PTPRN2: variants seen among roughly 807,000 people sequenced by gnomAD.
The protein encoded by PTPRN2 is protein tyrosine phosphatase receptor type N2.
A neutral mutation model predicts 118.8 loss-of-function variants in PTPRN2; 74 were observed. That is an observed-to-expected ratio of 0.62 (90% confidence interval 0.52 to 0.76). The LOEUF is 0.76. PTPRN2 is among the 30% of genes least tolerant of loss of function. PTPRN2 has a pLI of 0.00. For missense variants in PTPRN2, 1,481 were observed against 1,394.4 expected, an observed-to-expected ratio of 1.06 and a Z score of -0.99; for synonymous variants, 641 against 608.0, an observed-to-expected ratio of 1.05 and a Z score of -0.80.
At chr7:157,840,924 G>A (rs759091230) in intron 12 of PTPRN2, among the ~76,000 whole-genome samples, 3 of 152,224 alleles carry the variant, frequency 2.0e-5, no homozygotes, top group Non-Finnish European at 2.9e-5. Context: ...AAGCACCGGC[G>A]GGGGCTGGAG....
rs932644989 is a variant in PTPRN2 at position 157,560,427 on chromosome 7, A to G, written c.2902+8475T>C. Among the ~76,000 whole-genome samples the G allele has an allele frequency of 6.6e-6, 1 of 152,148 alleles. No individual in the cohort carries two copies. The highest frequency in any genetic ancestry group is 1.5e-5 in the Non-Finnish European group (1 of 67,996). ...ACGCTCCCACCAGGCGATCGACACC[A>G]GGGTCCGCCTGTGCCCTGCCTGGGT... On this transcript the variant is annotated intron_variant, in intron 21 of 22. Coordinates refer to ENST00000389418, the MANE Select transcript of PTPRN2 (RefSeq NM_002847.5). The surrounding 1 kb of genome is among the most constrained non-coding windows in gnomAD (Gnocchi z 6.7).
intron 2 of PTPRN2, among the ~76,000 whole-genome samples, chr7:158,406,681 G>C (rs1451396302): frequency 1.3e-5 from 2 of 152,232 alleles, no homozygotes; most frequent in African/African-American, 4.8e-5. Flanking sequence ...GACCTGCCCT[G>C]TTCACACACC....
At chr7:157,718,418 T>A (rs1227058607) in intron 12 of PTPRN2, among the ~76,000 whole-genome samples, 2 of 152,210 alleles carry the variant, frequency 1.3e-5, no homozygotes, top group African/African-American at 4.8e-5. Context: ...AGGCACAGTC[T>A]GATTCTACGG....
At chr7:157,765,696 C>T (rs892926648) in intron 12 of PTPRN2, among the ~76,000 whole-genome samples, 4 of 150,372 alleles carry the variant, frequency 2.7e-5, no homozygotes, top group Non-Finnish European at 3.0e-5. Context: ...ACATACCCAT[C>T]CACCCATCCA....
chr7:158,119,509 C>T lies in PTPRN2; in HGVS notation c.1557-8594G>A, dbSNP rs112905192. Reference sequence around the variant, plus strand: ...ATGAAAAATAGAATTGCACTTTGATCGAGTAACTCCACTCCTTGGTATCTA... The same window carrying T: ...ATGAAAAATAGAATTGCACTTTGATTGAGTAACTCCACTCCTTGGTATCTA... On this transcript the variant is annotated intron_variant, in intron 9 of 22. Coordinates refer to ENST00000389418, the MANE Select transcript of PTPRN2 (RefSeq NM_002847.5). 4.5e-3 allele frequency among the ~76,000 whole-genome samples: 685 copies of T among 152,054 alleles called. 9 individuals carry two copies. Among genetic ancestry groups the T allele is most frequent in the African/African-American group, 0.016 (651 of 41,480 alleles).
At chr7:158,482,349 A>C (rs545825946) in intron 2 of PTPRN2, among the ~76,000 whole-genome samples, 60 of 152,360 alleles carry the variant, frequency 3.9e-4, no homozygotes, top group Admixed American at 1.7e-3. Flanking sequence ...ATGAAGGAAG[A>C]GTCAACTGAT....
chr7:158,140,305 A>G (rs1287395760), intron 6 of PTPRN2, among the ~76,000 whole-genome samples: 1 of 152,228 alleles, frequency 6.6e-6, no homozygotes, highest in Non-Finnish European at 1.5e-5. Context: ...CAGAGAAAGG[A>G]AAGTCTTTTC....
chr7:158,292,142 G>T (rs1800164221), intron 3 of PTPRN2, among the ~76,000 whole-genome samples: 1 of 152,148 alleles, frequency 6.6e-6, no homozygotes, highest in Non-Finnish European at 1.5e-5. Flanking sequence ...GAAATGCCAG[G>T]GTTTTCTGTG....
chr7:157,642,449 CTA>C, intron 14 of PTPRN2, among the ~76,000 whole-genome samples: 1 of 152,356 alleles, frequency 6.6e-6, no homozygotes, highest in East Asian at 1.9e-4. Context: ...CTGATGCTGT[CTA>C]TAAACCTGCA....
chr7:158,304,574 C>G (rs775394766), intron 3 of PTPRN2, among the ~76,000 whole-genome samples: 1 of 152,002 alleles, frequency 6.6e-6, no homozygotes, highest in Non-Finnish European at 1.5e-5. Context: ...GCATAAGACA[C>G]CCATCAATAC....
chr7:158,319,973 TCACACA>T (rs757005033), intron 2 of PTPRN2, among the ~76,000 whole-genome samples: 1 of 27,430 alleles, frequency 3.6e-5, no homozygotes, highest in Non-Finnish European at 8.1e-5. Flanking sequence ...ACAGCCTCCC[TCACACA>T]CACACAGCCT....
intron 6 of PTPRN2, among the ~76,000 whole-genome samples, chr7:158,150,621 T>G (rs1010357063): frequency 6.6e-6 from 1 of 152,148 alleles, no homozygotes; most frequent in East Asian, 1.9e-4. Context: ...AAGATCTCGG[T>G]GTCATCTCCT....
At chr7:157,922,678 G>T (rs1157900131) in intron 11 of PTPRN2, among the ~76,000 whole-genome samples, 1 of 152,136 alleles carries the variant, frequency 6.6e-6, no homozygotes, top group African/African-American at 2.4e-5. Flanking sequence ...AGTAAGGTTG[G>T]TTCTTTTCCT....
At chr7:157,796,343 TG>T (rs1804867437) in intron 12 of PTPRN2, among the ~76,000 whole-genome samples, 1 of 152,222 alleles carries the variant, frequency 6.6e-6, no homozygotes, top group African/African-American at 2.4e-5. Context: ...TTTACCGGGA[TG>T]GTGACATCCC....
chr7:158,107,943 G>A (rs1487608968), intron 10 of PTPRN2, among the ~76,000 whole-genome samples: 1 of 146,390 alleles, frequency 6.8e-6, no homozygotes, highest in Non-Finnish European at 1.5e-5. Flanking sequence ...AAAGTCCCCT[G>A]CCCACTGCAA....
intron 2 of PTPRN2, among the ~76,000 whole-genome samples, chr7:158,340,629 C>G (rs1806540439): frequency 9.1e-6 from 1 of 109,822 alleles, no homozygotes; most frequent in Non-Finnish European, 2.0e-5. Context: ...CTCACACTCA[C>G]ACTCTAGCCA....
chr7:158,227,977 C>A (rs1341419426), intron 3 of PTPRN2, among the ~76,000 whole-genome samples: 1 of 151,178 alleles, frequency 6.6e-6, no homozygotes, highest in African/African-American at 2.4e-5. Context: ...AAATGCAAAG[C>A]ATTTCTATAA....
Position 158,587,546 on chromosome 7 carries a change from C to T in PTPRN2, c.112+12G>A. On this transcript the variant is annotated intron_variant, in intron 1 of 22. Coordinates refer to ENST00000389418, the MANE Select transcript of PTPRN2 (RefSeq NM_002847.5). ...TCATTGAGGCGCCCCTCCCCCGGCG[C>T]CCCCCACTCACCCAGACGCCCCGGG... The T allele has an allele frequency of 7.9e-7, 1 of 1,269,798 alleles. No individual in the cohort carries two copies. Among genetic ancestry groups the T allele is most frequent in the Non-Finnish European group, 9.9e-7 (1 of 1,009,962 alleles). 78.7% of individuals were successfully genotyped at this position (1,269,798 alleles called of 1,614,324 possible). A position where few individuals can be genotyped will look rare whatever the true frequency, so the allele number is the denominator to read the frequency against.
chr7:158,015,855 G>A lies in PTPRN2; in HGVS notation c.1723+65443C>T, dbSNP rs977177133. On this transcript the variant is annotated intron_variant, in intron 11 of 22. Transcript: ENST00000389418. This position sits in a 1 kb window ranked among gnomAD's most constrained non-coding sequence, Gnocchi z 4.2. ...TAAGACAAAAATAGACACGGAAGCCGCGATCGAGGAGGAGGGGGAACAAAA... is the reference window on the plus strand; with the variant it reads ...TAAGACAAAAATAGACACGGAAGCCACGATCGAGGAGGAGGGGGAACAAAA... 6.6e-6 allele frequency among the ~76,000 whole-genome samples: 1 copy of A among 152,182 alleles called. No homozygotes were observed. The highest frequency in any genetic ancestry group is 1.5e-5 in the Non-Finnish European group (1 of 68,036).
Sources: allele counts gnomAD v4.1 joint callset (sites outside exome capture counted in the v4.1 genomes callset), GRCh38; gene constraint gnomAD v4.1.1; non-coding constraint Gnocchi (gnomAD v3.1); transcripts MANE v1.5; gene names NCBI Gene and HGNC (gene_info 2026-07-23, HGNC 2026-07-21).